CFAP54: variants seen among roughly 807,000 people sequenced by gnomAD.
CFAP54 encodes the protein cilia and flagella associated protein 54, also known as cilia- and flagella-associated protein 54.
Under a neutral mutation model 370.4 loss-of-function variants are expected in CFAP54, and 290 were observed. That is an observed-to-expected ratio of 0.78 (90% CI 0.71 to 0.86). The LOEUF (loss-of-function observed/expected upper bound fraction) is 0.86, where lower values mean the gene tolerates loss of function less well. Among genes scored for constraint, CFAP54 ranks in the 40% least tolerant of loss-of-function variants. The pLI is 0.00. For missense variants in CFAP54, 3,399 were observed against 3,528.7 expected (o/e 0.96, Z 0.93); for synonymous variants, 1,206 against 1,236.5 (o/e 0.98, Z 0.52).
intron 65 of CFAP54, among the ~76,000 whole-genome samples, chr12:96,819,564 C>G (rs1317836848): frequency 6.6e-6 from 1 of 152,138 alleles, no homozygotes; most frequent in Non-Finnish European, 1.5e-5. Context: ...CCAACTTCTT[C>G]TTTTCCCTTC....
chr12:96,621,465 A>G, intron 26 of CFAP54, 125 bp from the exon 27 acceptor site: 1 of 610,936 alleles, frequency 1.6e-6, no homozygotes, highest in Non-Finnish European at 2.4e-6. Context: ...GTTTTTTTTA[A>G]AATAAAAGGG....
At chr12:96,665,798 T>G (rs1213534506) in intron 39 of CFAP54, among the ~76,000 whole-genome samples, 2 of 152,194 alleles carry the variant, frequency 1.3e-5, no homozygotes, top group Non-Finnish European at 2.9e-5. Flanking sequence ...TCTTGGCTAT[T>G]CAGGCTCTTT....
At chr12:96,680,553 A>T (rs542391166) in intron 40 of CFAP54, among the ~76,000 whole-genome samples, 187 of 152,352 alleles carry the variant, frequency 1.2e-3, no homozygotes, top group African/African-American at 4.4e-3. Flanking sequence ...ACTTATACTT[A>T]ATTAAAATGC....
At chr12:96,530,351 G>A (rs544031691) in intron 9 of CFAP54, among the ~76,000 whole-genome samples, 3 of 152,298 alleles carry the variant, frequency 2.0e-5, no homozygotes, top group South Asian at 2.1e-4. Context: ...TTAGCCAGGC[G>A]TCATGGCATG....
At chr12:96,812,315 C>A (rs960438337) in intron 64 of CFAP54, among the ~76,000 whole-genome samples, 4 of 152,142 alleles carry the variant, frequency 2.6e-5, no homozygotes. Flanking sequence ...CTTGGCCCAC[C>A]TTTCCCTCTG....
intron 39 of CFAP54, among the ~76,000 whole-genome samples, chr12:96,667,279 A>G (rs1261052837): frequency 6.6e-6 from 1 of 152,110 alleles, no homozygotes; most frequent in Non-Finnish European, 1.5e-5. Context: ...TCACAGCTCC[A>G]CTAGGCAGTA....
chr12:96,788,048 G>A (rs1428621866), intron 62 of CFAP54, among the ~76,000 whole-genome samples: 1 of 151,854 alleles, frequency 6.6e-6, no homozygotes, highest in Non-Finnish European at 1.5e-5. Flanking sequence ...TCCCGAAAAA[G>A]TGAGTTATTT....
intron 29 of CFAP54, 58 bp downstream of exon 29, chr12:96,625,865 T>A: frequency 7.8e-7 from 1 of 1,287,336 alleles, no homozygotes; most frequent in Non-Finnish European, 1.1e-6. Flanking sequence ...AGAGAATTAA[T>A]TCTGTGGATT....
chr12:96,548,875 G>T (rs1474593404), intron 15 of CFAP54, among the ~76,000 whole-genome samples: 1 of 147,700 alleles, frequency 6.8e-6, no homozygotes, highest in Non-Finnish European at 1.5e-5. Flanking sequence ...TTTTTTTTGA[G>T]ATGGAGTCTT....
At chr12:96,697,358 T>C (rs1230043689) in intron 45 of CFAP54, among the ~76,000 whole-genome samples, 3 of 152,098 alleles carry the variant, frequency 2.0e-5, no homozygotes, top group African/African-American at 7.2e-5. Context: ...AGAAAAATGG[T>C]CATCTAGAAA....
chr12:96,779,285 ATAGT>A (rs528358964), intron 60 of CFAP54, among the ~76,000 whole-genome samples: 140 of 152,158 alleles, frequency 9.2e-4, no homozygotes, highest in African/African-American at 3.3e-3. Flanking sequence ...TTTGTAACAG[ATAGT>A]TTGGCCAGCT....
At chr12:96,789,077 G>A (rs1172414301) in intron 62 of CFAP54, among the ~76,000 whole-genome samples, 1 of 152,214 alleles carries the variant, frequency 6.6e-6, no homozygotes, top group African/African-American at 2.4e-5. Context: ...CTAGTAATGA[G>A]TACCAAAGTA....
At chr12:96,626,098 T>C (rs780222372) in intron 29 of CFAP54, among the ~76,000 whole-genome samples, 7 of 152,062 alleles carry the variant, frequency 4.6e-5, no homozygotes, top group Non-Finnish European at 4.4e-5. Flanking sequence ...AAAAACATAT[T>C]AGTGGCTGGG....
intron 52 of CFAP54, 128 bp downstream of exon 52, chr12:96,742,714 A>G: frequency 1.1e-6 from 1 of 935,228 alleles, no homozygotes; most frequent in Non-Finnish European, 1.6e-6. Context: ...TTATAGAATT[A>G]AAAATTCAGG....
intron 26 of CFAP54, among the ~76,000 whole-genome samples, chr12:96,599,284 T>C (rs1427473379): frequency 1.3e-5 from 2 of 152,026 alleles, no homozygotes; most frequent in African/African-American, 4.8e-5. Flanking sequence ...TTGTGATATT[T>C]TGCTGAGAAT....
chr12:96,556,930 G>T (rs114975258), intron 17 of CFAP54, among the ~76,000 whole-genome samples: 1,917 of 152,090 alleles, frequency 0.013, 56 homozygotes, highest in African/African-American at 0.044. Flanking sequence ...GAGGGAGAAG[G>T]TCTGGAAAAA....
rs917076713 is a variant in CFAP54 at position 96,875,242 on chromosome 12, A to G, written c.*139A>G. 3 of 152,230 alleles carry G rather than the reference A, an allele frequency of 2.0e-5. No individual in the cohort carries two copies. Among genetic ancestry groups the G allele is most frequent in the African/African-American group, 7.2e-5 (3 of 41,454 alleles). The allele number at this position is 152,230 out of a possible 1,614,324, so 9.4% of individuals were successfully genotyped here. The stretch of plus-strand genomic sequence containing the variant: ...TCATGATTCAATGTCTTGCTTGCAC[A>G]GAAGCCTCTAGTTCAAACTTGGATC... On this transcript the variant is annotated 3_prime_UTR_variant, in exon 68 of 68. Coordinates refer to ENST00000524981, the MANE Select transcript of CFAP54 (RefSeq NM_001306084.2).
intron 11 of CFAP54, 30 bp downstream of exon 11, chr12:96,534,257 T>C: frequency 7.8e-7 from 1 of 1,276,606 alleles, no homozygotes; most frequent in Non-Finnish European, 1.1e-6. Flanking sequence ...TTCAAAAAAT[T>C]TAGTTTGACG....
At chr12:96,499,151 T>G (rs1954993552) in intron 1 of CFAP54, among the ~76,000 whole-genome samples, 1 of 152,068 alleles carries the variant, frequency 6.6e-6, no homozygotes, top group Admixed American at 6.6e-5. Flanking sequence ...GTATTTTTAG[T>G]AGAGACGGGG....
Sources: gnomAD v4.1 joint callset for allele counts (sites outside exome capture counted in the v4.1 genomes callset) on GRCh38, gnomAD v4.1.1 for gene constraint, MANE v1.5 for transcripts, NCBI Gene and HGNC (gene_info 2026-07-23, HGNC 2026-07-21) for gene names.